MAP3K14: variants seen among roughly 807,000 people sequenced by gnomAD.
MAP3K14 encodes the protein mitogen-activated protein kinase kinase kinase 14.
A neutral mutation model predicts 99.2 loss-of-function variants in MAP3K14; 16 were observed. The observed-to-expected ratio is 0.16, with a 90% confidence interval of 0.11 to 0.24. The LOEUF (loss-of-function observed/expected upper bound fraction) is 0.24. MAP3K14 is among the 10% of genes least tolerant of loss of function. The pLI is 1.00. For missense variants in MAP3K14, 784 were observed against 1,208.7 expected, an observed-to-expected ratio of 0.65 and a Z score of 5.21; for synonymous variants, 462 against 492.4, an observed-to-expected ratio of 0.94 and a Z score of 0.82.
Position 45,286,343 on chromosome 17 carries a change from A to T in MAP3K14, c.1152+88T>A. The T allele has an allele frequency of 7.0e-7, 1 of 1,422,976 alleles. No homozygotes were observed. The highest frequency in any genetic ancestry group is 1.5e-5 in the South Asian group (1 of 67,670). 88.1% of individuals were successfully genotyped at this position (1,422,976 alleles called of 1,614,324 possible). On this transcript the variant is annotated intron_variant, in intron 5 of 15. Coordinates refer to ENST00000344686, the MANE Select transcript of MAP3K14 (RefSeq NM_003954.5). This position sits in a 1 kb window ranked among gnomAD's most constrained non-coding sequence, Gnocchi z 4.1. The stretch of plus-strand genomic sequence containing the variant: ...CTGTCCTACTGTTTGATTTGTCACC[A>T]CAGGCAAGAGTGACTCTGATAAAGA...
At chr17:45,314,108 G>A (rs1407968459) in intron 1 of MAP3K14, among the ~76,000 whole-genome samples, 2 of 152,032 alleles carry the variant, frequency 1.3e-5, no homozygotes, top group Non-Finnish European at 2.9e-5. Context: ...AGAGCACACC[G>A]GCCACTGAAG....
In MAP3K14 at chr17:45,292,993, G is replaced by A. The variant is rs193000627; in HGVS notation, c.-20-2228C>T. Among the ~76,000 whole-genome samples, 28 of 152,288 alleles carry A rather than the reference G, an allele frequency of 1.8e-4. 1 individual carries two copies. The East Asian group carries it at 4.1e-3, about 22-fold the overall frequency. The stretch of plus-strand genomic sequence containing the variant: ...GCTCCTGGGTTACAGGCAAATGCAG[G>A]AGGGCACACTAAGGTCCTCCCTGGT... On this transcript the variant is annotated intron_variant, in intron 1 of 15. Coordinates refer to ENST00000344686, the MANE Select transcript of MAP3K14 (RefSeq NM_003954.5).
intron 1 of MAP3K14, among the ~76,000 whole-genome samples, chr17:45,299,412 GA>G (rs1251695899): frequency 8.5e-5 from 13 of 152,110 alleles, no homozygotes; most frequent in Non-Finnish European, 1.6e-4. Context: ...AAAGAAAAAA[GA>G]AAAGAAAATC....
At chr17:45,300,470 T>C (rs147749763) in intron 1 of MAP3K14, among the ~76,000 whole-genome samples, 1 of 152,206 alleles carries the variant, frequency 6.6e-6, no homozygotes, top group Non-Finnish European at 1.5e-5. Context: ...TCCCCAAACA[T>C]AGGGTTTGGC....
chr17:45,290,951 C>A lies in MAP3K14; in HGVS notation c.-20-186G>T, dbSNP rs145872754. 1.1e-3 allele frequency: 624 copies of A among 580,436 alleles called. 2 individuals carry two copies. The highest frequency in any genetic ancestry group is 0.01 in the African/African-American group (539 of 53,534). 36.0% of individuals were successfully genotyped at this position (580,436 alleles called of 1,614,324 possible). A position where few individuals can be genotyped will look rare whatever the true frequency, so the allele number is the denominator to read the frequency against. On this transcript the variant is annotated intron_variant, in intron 1 of 15. Coordinates refer to ENST00000344686, the MANE Select transcript of MAP3K14 (RefSeq NM_003954.5). ...CAGAGTCCACCTCTCAACAGCTACACGTTCCACACGGCACAGTCCCCCGGT... is the reference window on the plus strand; with the variant it reads ...CAGAGTCCACCTCTCAACAGCTACAAGTTCCACACGGCACAGTCCCCCGGT...
Position 45,270,450 on chromosome 17 carries a change from C to T in MAP3K14, c.1935G>A (p.Ala645=), listed in dbSNP as rs535912575. The T allele has an allele frequency of 1.9e-5, 30 of 1,612,260 alleles. No homozygotes were observed. Among genetic ancestry groups the T allele is most frequent in the Admixed American group, 6.7e-5 (4 of 59,922 alleles). ...RKEPIHRVSA[A]ELGGKVNRAL... is the part of the protein sequence containing the mutation. Reference sequence around the variant, plus strand: ...CCCGGTTCACCTTCCCTCCCAGCTCCGCTGCAGACACGCGGTGGATGGGCT... The same window carrying T: ...CCCGGTTCACCTTCCCTCCCAGCTCTGCTGCAGACACGCGGTGGATGGGCT... Residue 645 remains alanine, a synonymous_variant, in exon 11 of 16, where the codon GCG becomes GCA. Coordinates refer to ENST00000344686, the MANE Select transcript of MAP3K14 (RefSeq NM_003954.5).
Position 45,290,657 on chromosome 17 carries a change from G to A in MAP3K14, c.89C>T (p.Pro30Leu), listed in dbSNP as rs780884476. Residue 30 changes from proline to leucine, a missense_variant, in exon 2 of 16, where the codon CCG (proline) becomes CTG (leucine). Transcript: ENST00000344686. ...GGAGCTCTGTTTCTTCCCCAGTGGC[G>A]GCGTCTTCTCCTTGGCTTTGGGGAG... is the stretch of plus-strand genomic sequence containing the variant. Reference protein sequence around the residue: ...KELPKAKEKTPPLGKKQSSVY... With the variant: ...KELPKAKEKTLPLGKKQSSVY... 3.4e-5 allele frequency: 55 copies of A among 1,613,232 alleles called. No individual in the cohort carries two copies. In the Middle Eastern group the frequency reaches 6.6e-4, roughly 19 times the overall value.
chr17:45,281,286 G>C (rs766655626), intron 6 of MAP3K14, among the ~76,000 whole-genome samples: 1 of 151,426 alleles, frequency 6.6e-6, no homozygotes, highest in Non-Finnish European at 1.5e-5. Flanking sequence ...GTAGAGATGG[G>C]GTCTCTACAA....
intron 9 of MAP3K14, 121 bp downstream of exon 9, chr17:45,273,382 G>T (rs2143789116): frequency 1.4e-6 from 1 of 692,000 alleles, no homozygotes; most frequent in South Asian, 1.8e-5. Flanking sequence ...CAGGCTGGTT[G>T]CGGGGCTTAA....
chr17:45,282,124 ATG>A (rs1437640364), intron 6 of MAP3K14: 1 of 152,100 alleles, frequency 6.6e-6, no homozygotes, highest in African/African-American at 2.4e-5. Context: ...TTTTGTAGAC[ATG>A]CGATCTCGCT....
At chr17:45,281,136 G>A (rs2044219071) in intron 6 of MAP3K14, among the ~76,000 whole-genome samples, 1 of 151,954 alleles carries the variant, frequency 6.6e-6, no homozygotes, top group Admixed American at 6.6e-5. Flanking sequence ...TCACTCTGTT[G>A]TCCAGGCTGG....
intron 11 of MAP3K14, among the ~76,000 whole-genome samples, chr17:45,269,774 G>C (rs1018726638): frequency 6.6e-6 from 1 of 152,164 alleles, no homozygotes; most frequent in African/African-American, 2.4e-5. Flanking sequence ...CACATGCCTT[G>C]CCCTATGCAT....
chr17:45,311,600 T>C (rs1009111118), intron 1 of MAP3K14, among the ~76,000 whole-genome samples: 1 of 152,180 alleles, frequency 6.6e-6, no homozygotes, highest in African/African-American at 2.4e-5. Flanking sequence ...CTGCTGCTTC[T>C]TTCTTGGTAC....
At position 45,264,605 on chromosome 17, in the gene MAP3K14, G is replaced by T. The variant is rs368744466; in HGVS notation, c.*31C>A. The T allele has an allele frequency of 2.6e-6, 4 of 1,542,760 alleles. No homozygotes were observed. The African/African-American group carries it at 5.5e-5, about 21-fold the overall frequency. ...TGCACCGAGCAGGAAGGCTGCTTCC[G>T]GCAGTGTGGAGCCGGCGGTGGAGGG... On this transcript the variant is annotated 3_prime_UTR_variant, in exon 16 of 16. Transcript: ENST00000344686.
intron 1 of MAP3K14, among the ~76,000 whole-genome samples, chr17:45,292,241 GGTGGCCTCACTGT>G (rs150818116): frequency 0.11 from 16,253 of 152,226 alleles, 954 homozygotes; most frequent in Admixed American, 0.15. Context: ...AGGCTGAATG[GGTGGCCTCACTGT>G]TACCTGAGGA....
intron 6 of MAP3K14, among the ~76,000 whole-genome samples, chr17:45,281,115 G>C (rs1164082608): frequency 1.3e-5 from 2 of 151,866 alleles, no homozygotes; most frequent in East Asian, 3.9e-4. Flanking sequence ...GTGGGGTTGG[G>C]GGACAGGGTC....
In MAP3K14 at chr17:45,267,279, G is replaced by A; in HGVS notation, c.2327-81C>T. 5 of 1,381,360 alleles carry A rather than the reference G, an allele frequency of 3.6e-6. No individual in the cohort carries two copies. The highest frequency in any genetic ancestry group is 3.6e-4 in the Middle Eastern group (2 of 5,498). 85.6% of individuals were successfully genotyped at this position (1,381,360 alleles called of 1,614,324 possible). On this transcript the variant is annotated intron_variant, in intron 12 of 15. Transcript: ENST00000344686. This position sits in a 1 kb window ranked among gnomAD's most constrained non-coding sequence, Gnocchi z 5.1. ...TTCAGGGGTTCTTCCTGCACAGTCG[G>A]TAGAAGCTGAGCTGCTGGGGAAGGG...
chr17:45,266,448 G>A, intron 14 of MAP3K14, 89 bp downstream of exon 14: 1 of 1,489,510 alleles, frequency 6.7e-7, no homozygotes, highest in Non-Finnish European at 9.0e-7. Flanking sequence ...TGTGCCAGAG[G>A]AGGGGAGACA....
chr17:45,290,750 C>A lies in MAP3K14; in HGVS notation c.-5G>T. On this transcript the variant is annotated 5_prime_UTR_variant, in exon 2 of 16. Coordinates refer to ENST00000344686, the MANE Select transcript of MAP3K14 (RefSeq NM_003954.5). ...GGCCATTTCCATCACTGCCATCTCC[C>A]AGGCTTGTGCTCATCCTGAGAGAGA... 6.2e-7 allele frequency: 1 copy of A among 1,612,466 alleles called. No homozygotes were observed. The highest frequency in any genetic ancestry group is 8.5e-7 in the Non-Finnish European group (1 of 1,178,950).
Sources: gnomAD v4.1 joint callset for allele counts (sites outside exome capture counted in the v4.1 genomes callset) on GRCh38, gnomAD v4.1.1 for gene constraint, Gnocchi (gnomAD v3.1) non-coding constraint, MANE v1.5 for transcripts, NCBI Gene and HGNC (gene_info 2026-07-23, HGNC 2026-07-21) for gene names.